HMGCLL1: variants seen among roughly 807,000 people sequenced by gnomAD.
HMGCLL1 encodes the protein 3-hydroxy-3-methylglutaryl-CoA lyase like 1.
HMGCLL1 carries 36 observed loss-of-function variants against 39.1 expected under a neutral mutation model. That is an observed-to-expected ratio of 0.92 (90% CI 0.71 to 1.22). The LOEUF (loss-of-function observed/expected upper bound fraction) is 1.22, where lower values mean the gene tolerates loss of function less well. Among genes scored for constraint, HMGCLL1 ranks in the 50% most tolerant of loss-of-function variants. HMGCLL1 has a pLI of 0.00. For missense variants in HMGCLL1, 451 were observed against 416.5 expected (o/e 1.08, Z -0.72); for synonymous variants, 149 against 144.0 (o/e 1.03, Z -0.25).
intron 5 of HMGCLL1, chr6:55,512,507 C>T (rs1197775962): frequency 6.6e-6 from 1 of 151,982 alleles, no homozygotes; most frequent in African/African-American, 2.4e-5. Context: ...AAATTTTTCT[C>T]ATATAGTCCT....
intron 7 of HMGCLL1, among the ~76,000 whole-genome samples, chr6:55,466,378 A>G (rs1214240406): frequency 6.6e-6 from 1 of 152,096 alleles, no homozygotes; most frequent in East Asian, 1.9e-4. Flanking sequence ...TCTTTGAGCT[A>G]ATTTGAGAAT....
chr6:55,435,971 T>C (rs1581776958), intron 8 of HMGCLL1, among the ~76,000 whole-genome samples: 2 of 152,132 alleles, frequency 1.3e-5, no homozygotes, highest in East Asian at 3.9e-4. Flanking sequence ...TTACAGCATA[T>C]CTTTAATCTG....
In HMGCLL1 at chr6:55,579,189, C is replaced by G; in HGVS notation, c.-134G>C. 3 of 684,378 alleles carry G rather than the reference C, an allele frequency of 4.4e-6. No individual in the cohort carries two copies. In the Admixed American group the frequency reaches 7.7e-5, roughly 18 times the overall value. The allele number at this position is 684,378 out of a possible 1,614,324, so 42.4% of individuals were successfully genotyped here. A position where few individuals can be genotyped will look rare whatever the true frequency, so the allele number is the denominator to read the frequency against. On this transcript the variant is annotated 5_prime_UTR_variant, in exon 1 of 9. Coordinates refer to ENST00000274901, the MANE Select transcript of HMGCLL1 (RefSeq NM_001042406.2). ...ACTGGCTGTGAGGACCAGAGCTGTTCTGCGCACTGCGGCGGCGCCGAGAGG... is the reference window on the plus strand; with the variant it reads ...ACTGGCTGTGAGGACCAGAGCTGTTGTGCGCACTGCGGCGGCGCCGAGAGG...
chr6:55,668,044 C>T, the HMGCLL1 span, among the ~76,000 whole-genome samples: 1 of 151,854 alleles, frequency 6.6e-6, no homozygotes, highest in Non-Finnish European at 1.5e-5. Flanking sequence ...GGCACACTGT[C>T]ACTGTTAAAA....
intron 3 of HMGCLL1, among the ~76,000 whole-genome samples, chr6:55,524,325 A>C (rs1203049396): frequency 6.6e-6 from 1 of 150,380 alleles, no homozygotes; most frequent in Non-Finnish European, 1.5e-5. Flanking sequence ...TTAAAACTAA[A>C]ATTTTATTTT....
chr6:55,546,848 G>C (rs1335064893), intron 1 of HMGCLL1, among the ~76,000 whole-genome samples: 1 of 152,028 alleles, frequency 6.6e-6, no homozygotes, highest in Non-Finnish European at 1.5e-5. Context: ...TATGATACTA[G>C]CGAAAAAACA....
At chr6:55,540,040 GGGAGGGAGGGAA>G (rs1561947257) in intron 3 of HMGCLL1, among the ~76,000 whole-genome samples, 11 of 77,492 alleles carry the variant, frequency 1.4e-4, no homozygotes, top group Non-Finnish European at 2.6e-4. Context: ...GAGGGAGGGA[GGGAGGGAGGGAA>G]GGAAGCAAAG....
At chr6:55,640,053 G>A in the HMGCLL1 span, among the ~76,000 whole-genome samples, 2 of 151,868 alleles carry the variant, frequency 1.3e-5, no homozygotes, top group Admixed American at 6.6e-5. Flanking sequence ...ACCCCAACCT[G>A]GGCAACAAGA....
chr6:55,661,797 C>T, the HMGCLL1 span, among the ~76,000 whole-genome samples: 3 of 151,758 alleles, frequency 2.0e-5, no homozygotes, highest in Non-Finnish European at 4.4e-5. Flanking sequence ...CTGTAAATTG[C>T]TTTAGGCAGT....
chr6:55,595,394 AG>A, the HMGCLL1 span, among the ~76,000 whole-genome samples: 1 of 152,228 alleles, frequency 6.6e-6, no homozygotes, highest in Non-Finnish European at 1.5e-5. Flanking sequence ...GTCCACTCCA[AG>A]AAGAACTCTG....
chr6:55,445,816 C>T (rs1763804479), intron 7 of HMGCLL1, among the ~76,000 whole-genome samples: 1 of 152,028 alleles, frequency 6.6e-6, no homozygotes, highest in Admixed American at 6.6e-5. Flanking sequence ...TGAGTAACCA[C>T]AAGGTGGCAA....
At chr6:55,447,862 T>C (rs536603189) in intron 7 of HMGCLL1, among the ~76,000 whole-genome samples, 7 of 152,282 alleles carry the variant, frequency 4.6e-5, no homozygotes, top group African/African-American at 1.7e-4. Context: ...AACAACTGTG[T>C]GCTACTGCAC....
chr6:55,539,697 A>C (rs1457607567), intron 3 of HMGCLL1, among the ~76,000 whole-genome samples: 2 of 151,338 alleles, frequency 1.3e-5, no homozygotes, highest in Non-Finnish European at 2.9e-5. Context: ...ACTGGAGCGT[A>C]TGGAAGAGTT....
At chr6:55,649,374 GT>G in the HMGCLL1 span, among the ~76,000 whole-genome samples, 20,642 of 140,528 alleles carry the variant, frequency 0.15, 1,873 homozygotes, top group African/African-American at 0.27. Flanking sequence ...AGGGTAAAAG[GT>G]TTTTTTTTTT....
chr6:55,461,402 C>G (rs566346691), intron 7 of HMGCLL1, among the ~76,000 whole-genome samples: 1 of 151,978 alleles, frequency 6.6e-6, no homozygotes, highest in South Asian at 2.1e-4. Flanking sequence ...ACTATGTCCA[C>G]CAAATACTAT....
Position 55,477,162 on chromosome 6 carries a change from ATAATATAATATATATTATATT to A in HMGCLL1, c.795+18236_795+18256del, listed in dbSNP as rs1258742760. 3.3e-3 allele frequency among the ~76,000 whole-genome samples: 173 copies of A among 51,648 alleles called. 21 individuals carry two copies. The highest frequency in any genetic ancestry group is 0.013 in the African/African-American group (160 of 11,882). 33.9% of individuals were successfully genotyped at this position (51,648 alleles called of 152,430 possible). A position where few individuals can be genotyped will look rare whatever the true frequency, so the allele number is the denominator to read the frequency against. ...AGATATAATATATATATTATATATT[ATAATATAATATATATTATATT>A]TATATATTATATATTATATAATATA... On this transcript the variant is annotated intron_variant, in intron 7 of 8. Coordinates refer to ENST00000274901, the MANE Select transcript of HMGCLL1 (RefSeq NM_001042406.2).
intron 7 of HMGCLL1, among the ~76,000 whole-genome samples, chr6:55,446,680 A>G (rs983797695): frequency 2.6e-5 from 4 of 152,022 alleles, no homozygotes; most frequent in African/African-American, 7.2e-5. Flanking sequence ...TATGCTAACT[A>G]AAAGTACCAT....
At chr6:55,644,418 C>T in the HMGCLL1 span, among the ~76,000 whole-genome samples, 6 of 151,782 alleles carry the variant, frequency 4.0e-5, 1 homozygote, top group Admixed American at 3.3e-4. Flanking sequence ...CCTGTTTGTC[C>T]ATGTTTGCCT....
At chr6:55,556,262 AGAG>A (rs1414386106) in intron 1 of HMGCLL1, among the ~76,000 whole-genome samples, 1 of 152,190 alleles carries the variant, frequency 6.6e-6, no homozygotes. Context: ...AATCAAGTAA[AGAG>A]GAGAGGAACT....
Sources: allele counts gnomAD v4.1 joint callset (sites outside exome capture counted in the v4.1 genomes callset), GRCh38; gene constraint gnomAD v4.1.1; transcripts MANE v1.5; gene names NCBI Gene and HGNC (gene_info 2026-07-23, HGNC 2026-07-21).